The following CTNNA1 variants were observed in gnomAD, a reference collection of about 807,000 sequenced individuals.
CTNNA1 encodes the protein catenin alpha 1.
Under a neutral mutation model 98.4 loss-of-function variants are expected in CTNNA1, and 37 were observed. That is an observed-to-expected ratio of 0.38 (90% CI 0.29 to 0.49). CTNNA1 has a LOEUF of 0.49. Among genes scored for constraint, CTNNA1 ranks in the 20% least tolerant of loss-of-function variants. The pLI, the probability that CTNNA1 is intolerant of heterozygous loss-of-function variation, is 0.95. For synonymous variants in CTNNA1, 404 were observed against 413.2 expected, an observed-to-expected ratio of 0.98 and a Z score of 0.27; for missense variants, 761 against 1,147.2, an observed-to-expected ratio of 0.66 and a Z score of 4.86.
At chr5:138,890,504 T>G (rs1284101785) in intron 9 of CTNNA1, among the ~76,000 whole-genome samples, 1 of 152,132 alleles carries the variant, frequency 6.6e-6, no homozygotes, top group Non-Finnish European at 1.5e-5. Flanking sequence ...TTATAAAGGA[T>G]ACTAATCAGG....
chr5:138,813,800 G>C (rs1006443384), intron 5 of CTNNA1, among the ~76,000 whole-genome samples: 1 of 152,028 alleles, frequency 6.6e-6, no homozygotes, highest in Non-Finnish European at 1.5e-5. Context: ...TGTACTTTTT[G>C]TAGATACAGG....
At chr5:138,782,193 C>G (rs1755187250) in intron 2 of CTNNA1, 164 bp downstream of exon 2, 1 of 701,806 alleles carries the variant, frequency 1.4e-6, no homozygotes, top group African/African-American at 1.8e-5. Context: ...GTTTAGTTAA[C>G]CCTTGAGAAC....
intron 7 of CTNNA1, among the ~76,000 whole-genome samples, chr5:138,880,487 T>C (rs1752646583): frequency 1.3e-5 from 2 of 152,184 alleles, no homozygotes; most frequent in African/African-American, 2.4e-5. Flanking sequence ...TATGGCAACC[T>C]CCCCGCCGCC....
intron 7 of CTNNA1, chr5:138,871,604 A>G (rs1750630696): frequency 6.6e-6 from 1 of 152,208 alleles, no homozygotes; most frequent in Non-Finnish European, 1.5e-5. Context: ...GTGTATAATC[A>G]TTGTTGGCTG....
At chr5:138,869,350 T>G (rs1257491206) in intron 7 of CTNNA1, 1 of 151,546 alleles carries the variant, frequency 6.6e-6, no homozygotes, top group Non-Finnish European at 1.5e-5. Context: ...TAATTATCTA[T>G]AGATGGCCTT....
intron 3 of CTNNA1, among the ~76,000 whole-genome samples, chr5:138,785,796 T>A (rs1258153258): frequency 6.6e-6 from 1 of 152,158 alleles, no homozygotes; most frequent in African/African-American, 2.4e-5. Flanking sequence ...AGTATTGCCT[T>A]GTTGGCAGGC....
intron 3 of CTNNA1, among the ~76,000 whole-genome samples, chr5:138,788,538 C>T (rs1042007866): frequency 6.6e-5 from 10 of 152,114 alleles, no homozygotes; most frequent in Non-Finnish European, 1.5e-4. Flanking sequence ...AATTCCAGGA[C>T]ATTTTTATCA....
At chr5:138,832,276 A>G (rs760984657) in intron 7 of CTNNA1, among the ~76,000 whole-genome samples, 1 of 152,212 alleles carries the variant, frequency 6.6e-6, no homozygotes, top group Non-Finnish European at 1.5e-5. Flanking sequence ...AAATATTGAC[A>G]TAAAAGTAAT....
intron 1 of CTNNA1, among the ~76,000 whole-genome samples, chr5:138,771,583 C>G (rs1039207947): frequency 6.6e-6 from 1 of 151,908 alleles, no homozygotes; most frequent in South Asian, 2.1e-4. Flanking sequence ...GAGACGAGGC[C>G]TCTATGTTGC....
chr5:138,857,665 C>A (rs1436493237), intron 7 of CTNNA1, among the ~76,000 whole-genome samples: 1 of 152,104 alleles, frequency 6.6e-6, no homozygotes, highest in African/African-American at 2.4e-5. Flanking sequence ...GTGGCACTGT[C>A]CATTTGTATT....
intron 11 of CTNNA1, among the ~76,000 whole-genome samples, chr5:138,919,286 A>G (rs1368464125): frequency 2.0e-5 from 3 of 152,174 alleles, no homozygotes; most frequent in Non-Finnish European, 4.4e-5. Flanking sequence ...TAAGCAAACA[A>G]CAAATTCTGA....
intron 11 of CTNNA1, among the ~76,000 whole-genome samples, chr5:138,921,777 T>C (rs747150077): frequency 4.6e-5 from 7 of 151,818 alleles, no homozygotes; most frequent in Non-Finnish European, 8.8e-5. Flanking sequence ...ATTTCTGTAT[T>C]TTTAGTAGAG....
At chr5:138,756,392 C>G (rs887286369) in intron 1 of CTNNA1, among the ~76,000 whole-genome samples, 1 of 152,022 alleles carries the variant, frequency 6.6e-6, no homozygotes, top group Admixed American at 6.6e-5. Flanking sequence ...GTCTTTAACT[C>G]CTGACCTCAG....
At position 138,787,856 on chromosome 5, in the gene CTNNA1, T is replaced by TA. The variant is rs547400921; in HGVS notation, c.301+4491dup. ...TTCACCATAATGCTGTAAGTGATGT[T>TA]AAAAAAATTCACGTACATAAAAACA... On this transcript the variant is annotated intron_variant, in intron 3 of 17. Coordinates refer to ENST00000302763, the MANE Select transcript of CTNNA1 (RefSeq NM_001903.5). Among the ~76,000 whole-genome samples the TA allele has an allele frequency of 5.6e-4, 85 of 152,266 alleles. 1 individual carries two copies. The highest frequency in any genetic ancestry group is 2.0e-3 in the African/African-American group (85 of 41,536).
chr5:138,909,044 G>A (rs1759965895), intron 10 of CTNNA1, among the ~76,000 whole-genome samples: 1 of 151,982 alleles, frequency 6.6e-6, no homozygotes, highest in Non-Finnish European at 1.5e-5. Flanking sequence ...AAAACCATTT[G>A]GTGTGCTGGT....
chr5:138,766,986 T>C (rs1229240563), intron 1 of CTNNA1, among the ~76,000 whole-genome samples: 1 of 152,132 alleles, frequency 6.6e-6, no homozygotes. Flanking sequence ...ATTTTTAAGA[T>C]AGGAAGAATA....
intron 2 of CTNNA1, among the ~76,000 whole-genome samples, chr5:138,782,720 T>C (rs1351350785): frequency 6.6e-6 from 1 of 152,200 alleles, no homozygotes; most frequent in East Asian, 1.9e-4. Context: ...CCTTTACTAA[T>C]TGCTGAGATT....
intron 1 of CTNNA1, among the ~76,000 whole-genome samples, chr5:138,768,715 A>G (rs892371642): frequency 2.6e-5 from 4 of 151,874 alleles, no homozygotes; most frequent in Non-Finnish European, 5.9e-5. Flanking sequence ...AGCTGGGACT[A>G]TTGGTGTAAG....
chr5:138,887,992 T>C (rs1050172353), intron 9 of CTNNA1, among the ~76,000 whole-genome samples: 7 of 152,228 alleles, frequency 4.6e-5, no homozygotes, highest in African/African-American at 1.7e-4. Context: ...GCTTGCATCC[T>C]GACAAGCTAA....
Sources: gnomAD v4.1 joint callset for allele counts (sites outside exome capture counted in the v4.1 genomes callset) on GRCh38, gnomAD v4.1.1 for gene constraint, MANE v1.5 for transcripts, NCBI Gene and HGNC (gene_info 2026-07-23, HGNC 2026-07-21) for gene names.